The following CCDC92 variants were observed in gnomAD, a reference collection of about 807,000 sequenced individuals.
The protein encoded by CCDC92 is coiled-coil domain containing 92, also known as coiled-coil domain-containing protein 92.
A neutral mutation model predicts 24.9 loss-of-function variants in CCDC92; 12 were observed. The observed-to-expected ratio is 0.48, with a 90% CI of 0.31 to 0.78. CCDC92 has a LOEUF of 0.78. Ranked by LOEUF, CCDC92 falls within the 30% of genes least tolerant of loss-of-function variation. CCDC92 has a pLI of 0.05. For missense variants in CCDC92, 399 were observed against 439.4 expected (o/e 0.91, Z 0.82); for synonymous variants, 193 against 196.3 (o/e 0.98, Z 0.14).
At chr12:123,946,871 C>T (rs1313322560) in intron 1 of CCDC92, 1 of 153,018 alleles carries the variant, frequency 6.5e-6, no homozygotes, top group African/African-American at 2.4e-5. Context: ...CAGCCCACCG[C>T]TGCACTGTGG....
chr12:123,943,430 T>C lies in CCDC92; in HGVS notation c.98A>G (p.Asn33Ser). 1 of 1,614,018 alleles carries C rather than the reference T, an allele frequency of 6.2e-7. No homozygotes were observed. Among genetic ancestry groups the C allele is most frequent in the African/African-American group, 1.3e-5 (1 of 75,004 alleles). Reference protein sequence around the residue: ...LENQLHSAQKNLLFLQREHAS... With the variant: ...LENQLHSAQKSLLFLQREHAS... ...ATGCTCCCGCTGAAGGAACAGGAGG[T>C]TCTTCTGTGCGCTGTGCAGCTGGTT... Residue 33 changes from asparagine (N) to serine (S), a missense_variant, in exon 3 of 5, where the codon AAC (asparagine) becomes AGC (serine). By Grantham distance (46) the Asn-to-Ser change is conservative (BLOSUM62 1). Transcript: ENST00000238156.
Position 123,944,298 on chromosome 12 carries a change from G to A in CCDC92, c.8C>T (p.Ser3Leu), listed in dbSNP as rs764523315. 8 of 1,589,348 alleles carry A rather than the reference G, an allele frequency of 5.0e-6. No individual in the cohort carries two copies. The highest frequency in any genetic ancestry group is 3.3e-4 in the Middle Eastern group (2 of 5,982). Residue 3 changes from serine (S) to leucine (L), a missense_variant, in exon 2 of 5, where the codon TCA becomes TTA. Physicochemically the swap from Ser to Leu is moderately radical, Grantham distance 145. Coordinates refer to ENST00000238156, the MANE Select transcript of CCDC92 (RefSeq NM_025140.3). MT[S>L]PHFSSYDEGP... The stretch of plus-strand genomic sequence containing the variant: ...TTCATCGTAACTCGAGAAATGTGGT[G>A]AAGTCATGGGTCTTTCTGGAAAAGC...
At chr12:123,962,926 C>T (rs897305799) in intron 1 of CCDC92, 4 of 152,224 alleles carry the variant, frequency 2.6e-5, no homozygotes, top group Admixed American at 6.5e-5. Context: ...TGTAAGCAGT[C>T]GGAATTAATG....
chr12:123,937,478 C>T lies in CCDC92; in HGVS notation c.576G>A (p.Ala192=), dbSNP rs767973007. ...TTTCGGGTAGCTTGTCTTTGGGGGG[C>T]GCTGGCTTGTAGCTGGCCAGCACGG... is the stretch of plus-strand genomic sequence containing the variant. ...GSPVLASYKP[A]PPKDKLPETP... Residue 192 remains alanine, a synonymous_variant, in exon 5 of 5, where the codon GCG becomes GCA. Transcript: ENST00000238156. The surrounding 1 kb of genome is among the most constrained non-coding windows in gnomAD (Gnocchi z 8.4). The T allele has an allele frequency of 9.9e-6, 16 of 1,612,856 alleles. No homozygotes were observed. The highest frequency in any genetic ancestry group is 1.6e-4 in the Middle Eastern group (1 of 6,082).
chr12:123,959,270 TTC>T (rs973252680), intron 1 of CCDC92, among the ~76,000 whole-genome samples: 3 of 152,198 alleles, frequency 2.0e-5, no homozygotes, highest in Non-Finnish European at 4.4e-5. Flanking sequence ...AAATATTCTA[TTC>T]TCTGTTGTCC....
intron 4 of CCDC92, among the ~76,000 whole-genome samples, chr12:123,939,507 C>G (rs1041442399): frequency 6.6e-6 from 1 of 152,178 alleles, no homozygotes; most frequent in African/African-American, 2.4e-5. Context: ...ATATTTTCAG[C>G]TTACCATGGG....
intron 1 of CCDC92, among the ~76,000 whole-genome samples, chr12:123,954,301 C>T (rs1956099590): frequency 6.6e-6 from 1 of 152,164 alleles, no homozygotes; most frequent in East Asian, 1.9e-4. Flanking sequence ...ACTTAGGTGC[C>T]TCCCACCATG....
chr12:123,961,960 G>A (rs1956281392), intron 1 of CCDC92, among the ~76,000 whole-genome samples: 2 of 152,140 alleles, frequency 1.3e-5, no homozygotes, highest in Non-Finnish European at 2.9e-5. Context: ...AAAAGAAGAC[G>A]AAATGCTGCA....
At chr12:123,947,019 C>T (rs1332596815) in intron 1 of CCDC92, among the ~76,000 whole-genome samples, 4 of 152,162 alleles carry the variant, frequency 2.6e-5, no homozygotes, top group Non-Finnish European at 5.9e-5. Context: ...TGGGCGTGGG[C>T]TTGGCGGGCC....
intron 1 of CCDC92, among the ~76,000 whole-genome samples, chr12:123,955,660 G>GT (rs1250153358): frequency 2.6e-5 from 4 of 151,314 alleles, no homozygotes; most frequent in African/African-American, 9.7e-5. Context: ...TTTTTTTTTG[G>GT]TGGGGGGGAG....
At chr12:123,972,247 G>A (rs1485086610) in intron 1 of CCDC92, among the ~76,000 whole-genome samples, 1 of 151,822 alleles carries the variant, frequency 6.6e-6, no homozygotes, top group Non-Finnish European at 1.5e-5. Context: ...CGGGCGCGGG[G>A]GTCGCCGAGC....
chr12:123,935,640 A>C lies in CCDC92; in HGVS notation c.*1418T>G. 1 of 740,448 alleles carries C rather than the reference A, an allele frequency of 1.4e-6. No homozygotes were observed. Among genetic ancestry groups the C allele is most frequent in the East Asian group, 2.6e-5 (1 of 38,998 alleles). 45.9% of individuals were successfully genotyped at this position (740,448 alleles called of 1,614,324 possible). ...ACTTAAATCTCTTTCCATACAAATT[A>C]ACCTGAATGGTTTTGTTTTTAATAC... On this transcript the variant is annotated 3_prime_UTR_variant, in exon 5 of 5. Coordinates refer to ENST00000238156, the MANE Select transcript of CCDC92 (RefSeq NM_025140.3).
chr12:123,943,261 C>T, intron 3 of CCDC92, 86 bp downstream of exon 3: 2 of 1,445,454 alleles, frequency 1.4e-6, no homozygotes, highest in South Asian at 1.2e-5. Flanking sequence ...GAGCTGGGGG[C>T]AGGGCAGGCC....
chr12:123,969,826 A>T lies in CCDC92; in HGVS notation c.-60+2703T>A, dbSNP rs556333141. ...TAATTTGCTGGCTCTCCAAAGGATGACTGGCACCATCCCATTTTTTAAAAA... is the reference window on the plus strand; with the variant it reads ...TAATTTGCTGGCTCTCCAAAGGATGTCTGGCACCATCCCATTTTTTAAAAA... On this transcript the variant is annotated intron_variant, in intron 1 of 4. Transcript: ENST00000238156. 1.1e-4 allele frequency among the ~76,000 whole-genome samples: 17 copies of T among 152,250 alleles called. No homozygotes were observed. The South Asian group carries it at 3.5e-3, about 32-fold the overall frequency.
chr12:123,946,964 C>A (rs899523354), intron 1 of CCDC92, among the ~76,000 whole-genome samples: 1 of 151,992 alleles, frequency 6.6e-6, no homozygotes, highest in Non-Finnish European at 1.5e-5. Context: ...CAAGCAGAAC[C>A]GGGGCTGCGT....
chr12:123,962,290 T>C (rs1303033625), intron 1 of CCDC92, among the ~76,000 whole-genome samples: 3 of 152,250 alleles, frequency 2.0e-5, no homozygotes, highest in African/African-American at 7.2e-5. Flanking sequence ...TGTGGAAACA[T>C]GTAAAAATGT....
chr12:123,936,736 CTG>C lies in CCDC92; in HGVS notation c.*320_*321del, dbSNP rs1222402640. ...ACTTGAGAATGAATTAGGTGTGTGA[CTG>C]TGTGGCATCGTGAACATCAGTAGTG... On this transcript the variant is annotated 3_prime_UTR_variant, in exon 5 of 5. Coordinates refer to ENST00000238156, the MANE Select transcript of CCDC92 (RefSeq NM_025140.3). 2.1e-6 allele frequency: 1 copy of C among 468,042 alleles called. No individual in the cohort carries two copies. Among genetic ancestry groups the C allele is most frequent in the South Asian group, 2.6e-5 (1 of 38,724 alleles). The allele number at this position is 468,042 out of a possible 1,614,324, so 29.0% of individuals were successfully genotyped here. A position where few individuals can be genotyped will look rare whatever the true frequency, so the allele number is the denominator to read the frequency against.
intron 1 of CCDC92, among the ~76,000 whole-genome samples, chr12:123,955,234 T>C (rs1168414394): frequency 6.6e-6 from 1 of 152,260 alleles, no homozygotes; most frequent in Non-Finnish European, 1.5e-5. Flanking sequence ...TCTCCTAAGT[T>C]ACTACACAAA....
In CCDC92 at chr12:123,936,814, C is replaced by T. The variant is rs1229111448; in HGVS notation, c.*244G>A. 2.0e-5 allele frequency: 12 copies of T among 593,194 alleles called. No homozygotes were observed. Among genetic ancestry groups the T allele is most frequent in the East Asian group, 8.5e-5 (3 of 35,238 alleles). 36.7% of individuals were successfully genotyped at this position (593,194 alleles called of 1,614,324 possible). ...TGCAGCGCACTTAGGTTACACGGAG[C>T]GGGATCAGAAGCAAGCGATTCGGCA... On this transcript the variant is annotated 3_prime_UTR_variant, in exon 5 of 5. Transcript: ENST00000238156.
Sources: gnomAD v4.1 joint callset for allele counts (sites outside exome capture counted in the v4.1 genomes callset) on GRCh38, gnomAD v4.1.1 for gene constraint, Gnocchi (gnomAD v3.1) non-coding constraint, MANE v1.5 for transcripts, NCBI Gene and HGNC (gene_info 2026-07-23, HGNC 2026-07-21) for gene names.